The following PIWIL1 variants were observed in gnomAD, a reference collection of about 807,000 sequenced individuals.
The protein encoded by PIWIL1 is piwi-like protein 1.
In PIWIL1, 73 loss-of-function variants were observed where a neutral mutation model predicts 114.4. The ratio of observed to expected loss-of-function variants is 0.64; its 90% CI spans 0.53 to 0.78. The LOEUF (loss-of-function observed/expected upper bound fraction) is 0.78, where lower values mean the gene tolerates loss of function less well. Ranked by LOEUF, PIWIL1 falls within the 30% of genes least tolerant of loss-of-function variation. PIWIL1 has a pLI of 0.00. For synonymous variants in PIWIL1, 375 were observed against 369.0 expected, an observed-to-expected ratio of 1.02 and a Z score of -0.19; for missense variants, 723 against 1,063.1, an observed-to-expected ratio of 0.68 and a Z score of 4.45.
the PIWIL1 span, among the ~76,000 whole-genome samples, chr12:130,385,622 T>C: frequency 1.3e-5 from 2 of 152,228 alleles, no homozygotes; most frequent in Non-Finnish European, 2.9e-5. Context: ...GTTCCACACC[T>C]CAGGGCAGTT....
At chr12:130,343,377 A>G (rs1326488473) in intron 3 of PIWIL1, among the ~76,000 whole-genome samples, 2 of 152,236 alleles carry the variant, frequency 1.3e-5, no homozygotes, top group East Asian at 1.9e-4. Context: ...GTAACAAGGT[A>G]GTGTCTACCT....
chr12:130,369,679 C>G (rs1489709837), intron 19 of PIWIL1, among the ~76,000 whole-genome samples: 1 of 152,168 alleles, frequency 6.6e-6, no homozygotes, highest in African/African-American at 2.4e-5. Context: ...TTCCTGGACA[C>G]ATAAATTTCT....
At chr12:130,383,398 C>T in the PIWIL1 span, 1 of 152,158 alleles carries the variant, frequency 6.6e-6, no homozygotes, top group Non-Finnish European at 1.5e-5. Context: ...CCAGAGCCCC[C>T]ACTTGGATTT....
chr12:130,424,968 G>C, the PIWIL1 span: 1 of 570,570 alleles, frequency 1.8e-6, no homozygotes, highest in Non-Finnish European at 2.6e-6. This position sits in a 1 kb window ranked among gnomAD's most constrained non-coding sequence, Gnocchi z 9.8. Context: ...TGGAGGCACC[G>C]AGGGGGGGGA....
Position 130,371,251 on chromosome 12 carries a change from C to T in PIWIL1, c.2397C>T (p.Asp799=). 1 of 1,614,190 alleles carries T rather than the reference C, an allele frequency of 6.2e-7. No individual in the cohort carries two copies. Residue 799 remains aspartate, a synonymous_variant, in exon 20 of 21, where the codon GAC becomes GAT. Transcript: ENST00000245255. ...VSPTHYNVIY[D]NSGLKPDHIQ... is the part of the protein sequence containing the mutation. ...CCACACATTACAATGTCATCTATGA[C>T]AACAGCGGCCTGAAGCCAGACCACA...
chr12:130,409,246 C>T, the PIWIL1 span, among the ~76,000 whole-genome samples: 1 of 151,414 alleles, frequency 6.6e-6, no homozygotes. Flanking sequence ...GTAGTCACTT[C>T]AGCCCAGATG....
chr12:130,342,321 A>G, intron 1 of PIWIL1: 1 of 488,396 alleles, frequency 2.0e-6, no homozygotes, highest in Non-Finnish European at 3.6e-6. Flanking sequence ...AAATAATCCA[A>G]ATGAAAAACT....
chr12:130,419,128 C>T, the PIWIL1 span, among the ~76,000 whole-genome samples: 8 of 152,194 alleles, frequency 5.3e-5, no homozygotes, highest in African/African-American at 1.9e-4. This position sits in a 1 kb window ranked among gnomAD's most constrained non-coding sequence, Gnocchi z 4.3. Flanking sequence ...AGCAGCCTCC[C>T]TGGAATGTGT....
the PIWIL1 span, among the ~76,000 whole-genome samples, chr12:130,410,946 G>A: frequency 6.6e-6 from 1 of 152,074 alleles, no homozygotes; most frequent in Non-Finnish European, 1.5e-5. Context: ...GGCTCACTTG[G>A]GGCAGCTGAC....
At chr12:130,354,787 T>C (rs2073319036) in intron 10 of PIWIL1, 101 bp from the exon 11 acceptor site, 26 of 1,428,886 alleles carry the variant, frequency 1.8e-5, no homozygotes, top group African/African-American at 2.9e-5. Context: ...TAAAACTGCT[T>C]TGTCTCCTGG....
chr12:130,363,185 T>C (rs771228768), intron 18 of PIWIL1, 41 bp downstream of exon 18: 1 of 1,575,784 alleles, frequency 6.3e-7, no homozygotes, highest in South Asian at 1.1e-5. Context: ...TTTATAAAAC[T>C]GCACCTTTGT....
intron 9 of PIWIL1, 140 bp downstream of exon 9, chr12:130,350,107 T>C (rs2073174276): frequency 3.6e-6 from 2 of 553,550 alleles, no homozygotes; most frequent in African/African-American, 3.9e-5. Flanking sequence ...AGCATAATTT[T>C]ATTCATTACC....
downstream of PIWIL1, among the ~76,000 whole-genome samples, chr12:130,376,694 A>G (rs1228963897): frequency 6.6e-6 from 1 of 152,182 alleles, no homozygotes; most frequent in East Asian, 1.9e-4. Context: ...CACTTTCAAA[A>G]TACGAGTACC....
At chr12:130,401,503 A>G in the PIWIL1 span, among the ~76,000 whole-genome samples, 1 of 151,840 alleles carries the variant, frequency 6.6e-6, no homozygotes, top group Non-Finnish European at 1.5e-5. Context: ...CTGTTCAGCA[A>G]CGCTGCCAGG....
At chr12:130,360,017 G>T (rs1052740856) in intron 14 of PIWIL1, among the ~76,000 whole-genome samples, 1 of 152,196 alleles carries the variant, frequency 6.6e-6, no homozygotes, top group Non-Finnish European at 1.5e-5. Flanking sequence ...GAAGACAGCA[G>T]CACATTGTGG....
rs1489456229 is a variant in PIWIL1 at position 130,362,843 on chromosome 12, C to T, written c.2041+7C>T. Reference sequence around the variant, plus strand: ...CTCAAAGTCTGCCTGCAAGGTTAGTCACCTGTGGGGTTGCCATTCTACTCT... The same window carrying T: ...CTCAAAGTCTGCCTGCAAGGTTAGTTACCTGTGGGGTTGCCATTCTACTCT... On this transcript the variant is annotated splice_region_variant and intron_variant, in intron 17 of 20. Transcript: ENST00000245255. The T allele has an allele frequency of 1.9e-6, 3 of 1,613,618 alleles. No individual in the cohort carries two copies. Among genetic ancestry groups the T allele is most frequent in the East Asian group, 2.2e-5 (1 of 44,898 alleles).
At chr12:130,341,037 T>C (rs2072905853) in intron 1 of PIWIL1, among the ~76,000 whole-genome samples, 1 of 152,172 alleles carries the variant, frequency 6.6e-6, no homozygotes, top group African/African-American at 2.4e-5. Flanking sequence ...AAGCCAAGAA[T>C]TTTAGAAGCT....
At chr12:130,393,330 C>G in the PIWIL1 span, among the ~76,000 whole-genome samples, 1,317 of 139,508 alleles carry the variant, frequency 9.4e-3, 33 homozygotes, top group Non-Finnish European at 0.013. Context: ...ATGACCCGGT[C>G]ACCATCATCA....
chr12:130,411,231 C>T, the PIWIL1 span, among the ~76,000 whole-genome samples: 1 of 152,126 alleles, frequency 6.6e-6, no homozygotes, highest in Non-Finnish European at 1.5e-5. Context: ...TTTGTTAGTT[C>T]TAGGAACTTT....
Sources: allele counts gnomAD v4.1 joint callset (sites outside exome capture counted in the v4.1 genomes callset), GRCh38; gene constraint gnomAD v4.1.1; non-coding constraint Gnocchi (gnomAD v3.1); transcripts MANE v1.5; gene names NCBI Gene and HGNC (gene_info 2026-07-23, HGNC 2026-07-21).